The following CHD1L variants were observed in gnomAD, a reference collection of about 807,000 sequenced individuals.
CHD1L encodes the protein chromodomain helicase DNA binding protein 1 like.
CHD1L carries 118 observed loss-of-function variants against 115.9 expected under a neutral mutation model. The observed-to-expected ratio is 1.02, with a 90% confidence interval of 0.88 to 1.19. CHD1L has a LOEUF of 1.19. Among genes scored for constraint, CHD1L ranks in the 50% most tolerant of loss-of-function variants. The pLI is 0.00. For synonymous variants in CHD1L, 411 were observed against 387.1 expected (o/e 1.06, Z -0.72); for missense variants, 1,179 against 1,065.3 (o/e 1.11, Z -1.49).
At chr1:147,192,118 C>G in the CHD1L span, among the ~76,000 whole-genome samples, 1 of 152,068 alleles carries the variant, frequency 6.6e-6, no homozygotes, top group Non-Finnish European at 1.5e-5. Flanking sequence ...GCCATTTTCA[C>G]GATATTGATT....
At chr1:147,180,984 G>A in the CHD1L span, among the ~76,000 whole-genome samples, 1 of 152,152 alleles carries the variant, frequency 6.6e-6, no homozygotes, top group Non-Finnish European at 1.5e-5. Context: ...CCTAGACAAG[G>A]GTCTAGAGAC....
chr1:147,248,974 A>T lies in CHD1L; in HGVS notation c.128-3649A>T, dbSNP rs587647473. Among the ~76,000 whole-genome samples, 5 of 152,366 alleles carry T rather than the reference A, an allele frequency of 3.3e-5. No homozygotes were observed. The East Asian group carries it at 7.7e-4, about 23-fold the overall frequency. On this transcript the variant is annotated intron_variant, in intron 1 of 22. Transcript: ENST00000369258. ...TGCTTCAGCGGTCAAACATAATTTT[A>T]AAAACTCAAGAAAAGGAAAACCTAT...
At chr1:147,193,383 T>G in the CHD1L span, among the ~76,000 whole-genome samples, 1 of 152,142 alleles carries the variant, frequency 6.6e-6, no homozygotes, top group Non-Finnish European at 1.5e-5. Flanking sequence ...ACTGCATCTA[T>G]TTGATTCTTC....
rs782507309 is a variant in CHD1L at position 147,280,112 on chromosome 1, G to C, written c.1626G>C (p.Leu542=). 1 of 1,613,784 alleles carries C rather than the reference G, an allele frequency of 6.2e-7. No homozygotes were observed. Among genetic ancestry groups the C allele is most frequent in the Non-Finnish European group, 8.5e-7 (1 of 1,179,928 alleles). The change falls in exon 15 of 23, where the codon CTG becomes CTC. Residue 542 remains leucine (L), a synonymous_variant. Coordinates refer to ENST00000369258, the MANE Select transcript of CHD1L (RefSeq NM_004284.6). The stretch of plus-strand genomic sequence containing the variant: ...ATGAAATAGACCTGGAGTCCATCCT[G>C]GGAGAAACAAAAGATGGCCAGTGGG... The part of the protein sequence containing the change: ...TMDEIDLESI[L]GETKDGQWVS...
chr1:147,173,338 C>G, the CHD1L span: 1 of 152,422 alleles, frequency 6.6e-6, no homozygotes, highest in South Asian at 2.1e-4. Flanking sequence ...CAGTGGGGAG[C>G]GACAAGGAAG....
the CHD1L span, among the ~76,000 whole-genome samples, chr1:147,203,021 G>A: frequency 6.6e-6 from 1 of 151,744 alleles, no homozygotes; most frequent in East Asian, 1.9e-4. Flanking sequence ...TTTCTAAAAT[G>A]TAGGTATGAT....
the CHD1L span, among the ~76,000 whole-genome samples, chr1:147,231,452 G>T: frequency 1.3e-5 from 2 of 152,184 alleles, no homozygotes; most frequent in Non-Finnish European, 2.9e-5. Flanking sequence ...TGGAATAGGT[G>T]TGGTGTGGTG....
At chr1:147,278,466 G>A (rs1446389189) in intron 14 of CHD1L, among the ~76,000 whole-genome samples, 3 of 150,640 alleles carry the variant, frequency 2.0e-5, no homozygotes, top group Non-Finnish European at 4.4e-5. Context: ...CTTGTGATCC[G>A]TCCACCTCGG....
chr1:147,175,146 G>C, the CHD1L span: 3 of 152,156 alleles, frequency 2.0e-5, no homozygotes, highest in African/African-American at 7.2e-5. Context: ...ATCTGATCTT[G>C]ATGGTTACTG....
Position 147,272,285 on chromosome 1 carries a change from G to T in CHD1L, c.1270+4G>T, listed in dbSNP as rs1553953997. 6.3e-7 allele frequency: 1 copy of T among 1,587,226 alleles called. No homozygotes were observed. Among genetic ancestry groups the T allele is most frequent in the Non-Finnish European group, 8.7e-7 (1 of 1,155,616 alleles). On this transcript the variant is annotated splice_donor_region_variant and intron_variant, in intron 12 of 22. Transcript: ENST00000369258. ...TTTCTCCTGAGTACTAGGGCAGGTA[G>T]GCTGCAAAGGCATTGATGGAAACAG...
chr1:147,209,093 C>G, the CHD1L span: 1 of 1,553,948 alleles, frequency 6.4e-7, no homozygotes, highest in Non-Finnish European at 8.8e-7. Context: ...CACTCAGATT[C>G]GTAAACCTTC....
intron 1 of CHD1L, among the ~76,000 whole-genome samples, chr1:147,252,171 A>G (rs903205400): frequency 6.6e-6 from 1 of 152,216 alleles, no homozygotes; most frequent in Non-Finnish European, 1.5e-5. Flanking sequence ...GTGTTGAAGC[A>G]TTATTCAGTG....
In CHD1L at chr1:147,292,719, C is replaced by T. The variant is rs368580764; in HGVS notation, c.2392-889C>T. 6.5e-4 allele frequency among the ~76,000 whole-genome samples: 99 copies of T among 152,272 alleles called. 1 individual carries two copies. Among genetic ancestry groups the T allele is most frequent in the African/African-American group, 2.3e-3 (94 of 41,542 alleles). On this transcript the variant is annotated intron_variant, in intron 20 of 22. Transcript: ENST00000369258. ...GTATCACACATGGCAAGAGCAGGAA[C>T]AAGAGAGAGTGGGGGAAGGTGCCAC...
At chr1:147,293,332 A>G (rs1686297665) in intron 20 of CHD1L, among the ~76,000 whole-genome samples, 1 of 151,550 alleles carries the variant, frequency 6.6e-6, no homozygotes, top group Non-Finnish European at 1.5e-5. Flanking sequence ...AACCCTTGAG[A>G]GCTTTTGGAA....
chr1:147,195,212 TA>T, the CHD1L span, among the ~76,000 whole-genome samples: 4 of 152,180 alleles, frequency 2.6e-5, no homozygotes, highest in African/African-American at 9.7e-5. Flanking sequence ...CGTTTCTTTT[TA>T]TTCTTTTTTC....
the CHD1L span, chr1:147,212,445 A>G: frequency 6.2e-6 from 10 of 1,613,910 alleles, no homozygotes; most frequent in African/African-American, 8.0e-5. Flanking sequence ...AGAATTCCCA[A>G]TGCCAATTAT....
chr1:147,195,712 T>C, the CHD1L span, among the ~76,000 whole-genome samples: 1 of 152,150 alleles, frequency 6.6e-6, no homozygotes, highest in African/African-American at 2.4e-5. Context: ...GACTATGCCA[T>C]GTAGAAGATT....
chr1:147,192,420 A>G, the CHD1L span, among the ~76,000 whole-genome samples: 3 of 152,194 alleles, frequency 2.0e-5, no homozygotes, highest in East Asian at 1.9e-4. Flanking sequence ...GGCTGAGACA[A>G]TGGGGTTTTC....
chr1:147,210,198 G>C, the CHD1L span: 1 of 152,204 alleles, frequency 6.6e-6, no homozygotes, highest in Non-Finnish European at 1.5e-5. Flanking sequence ...ACCCAGGTCT[G>C]ACTAACTCCA....
Sources: gnomAD v4.1 joint callset for allele counts (sites outside exome capture counted in the v4.1 genomes callset) on GRCh38, gnomAD v4.1.1 for gene constraint, MANE v1.5 for transcripts, NCBI Gene and HGNC (gene_info 2026-07-23, HGNC 2026-07-21) for gene names.